Variants in BEND7 observed in about 807,000 individuals in gnomAD.
BEND7 encodes BEN domain-containing protein 7.
BEND7 carries 28 observed loss-of-function variants against 50.9 expected under a neutral mutation model. The observed-to-expected ratio is 0.55, with a 90% CI of 0.41 to 0.75. The LOEUF is 0.75. BEND7 is among the 30% of genes least tolerant of loss of function. The pLI is 0.00. For missense variants in BEND7, 477 were observed against 491.3 expected, an observed-to-expected ratio of 0.97 and a Z score of 0.28; for synonymous variants, 170 against 183.9, an observed-to-expected ratio of 0.92 and a Z score of 0.61.
Position 13,501,874 on chromosome 10 carries a change from A to G in BEND7, c.146-1794T>C, listed in dbSNP as rs535766130. On this transcript the variant is annotated intron_variant, in intron 2 of 8. Coordinates refer to ENST00000466271, the MANE Select transcript of BEND7 (RefSeq NM_001369863.1). ...AAAAAAAAAAATCTTAGGCCAGGGT[A>G]TGTGTGTGTAAACATTCATGCAGTT... Among the ~76,000 whole-genome samples the G allele has an allele frequency of 4.5e-4, 69 of 152,148 alleles. 1 individual carries two copies. Among genetic ancestry groups the G allele is most frequent in the African/African-American group, 1.6e-3 (67 of 41,532 alleles).
chr10:13,442,444 A>G (rs1182956487), intron 8 of BEND7: 1 of 152,246 alleles, frequency 6.6e-6, no homozygotes, highest in Non-Finnish European at 1.5e-5. Context: ...TTTTAAATTC[A>G]CCATCTTATT....
At chr10:13,503,368 A>AG (rs958155269) in intron 2 of BEND7, among the ~76,000 whole-genome samples, 20 of 152,350 alleles carry the variant, frequency 1.3e-4, no homozygotes, top group African/African-American at 4.8e-4. Context: ...CCCTCCTCAG[A>AG]GGAAGTAAGC....
downstream of BEND7, chr10:13,438,667 C>T (rs1835023711): frequency 6.4e-6 from 1 of 155,078 alleles, no homozygotes; most frequent in South Asian, 2.0e-4. Context: ...ATTAAATTCT[C>T]ATGGAGTACA....
At chr10:13,456,951 TA>T (rs1839109241) in intron 6 of BEND7, among the ~76,000 whole-genome samples, 1 of 152,194 alleles carries the variant, frequency 6.6e-6, no homozygotes, top group African/African-American at 2.4e-5. Context: ...ACTGATCAGA[TA>T]ATTTCCAAAA....
chr10:13,448,944 G>C (rs1837064642), intron 7 of BEND7, among the ~76,000 whole-genome samples: 1 of 145,700 alleles, frequency 6.9e-6, no homozygotes, highest in South Asian at 2.2e-4. Context: ...CTGCACTCCA[G>C]CCTGGGCGAC....
intron 2 of BEND7, among the ~76,000 whole-genome samples, chr10:13,502,555 C>T (rs563689168): frequency 6.6e-5 from 10 of 152,264 alleles, no homozygotes; most frequent in African/African-American, 1.7e-4. Flanking sequence ...CGAGAGGCTA[C>T]GGAACAGGGT....
At chr10:13,490,532 C>T (rs1485400368) in intron 5 of BEND7, among the ~76,000 whole-genome samples, 3 of 152,250 alleles carry the variant, frequency 2.0e-5, no homozygotes, top group Non-Finnish European at 4.4e-5. Flanking sequence ...CTGTCTAGCC[C>T]TCCTGATCTC....
intron 6 of BEND7, among the ~76,000 whole-genome samples, chr10:13,455,599 C>T (rs1235893310): frequency 6.6e-6 from 1 of 151,968 alleles, no homozygotes; most frequent in African/African-American, 2.4e-5. Context: ...AGTGGTGTGG[C>T]AGGAGAGAAC....
intron 6 of BEND7, among the ~76,000 whole-genome samples, chr10:13,476,070 G>A (rs1157216055): frequency 6.6e-6 from 1 of 152,056 alleles, no homozygotes; most frequent in Non-Finnish European, 1.5e-5. Flanking sequence ...TTAAATCTAC[G>A]TGAGATCAAA....
chr10:13,460,746 T>G (rs1173943160), intron 6 of BEND7, among the ~76,000 whole-genome samples: 1 of 152,258 alleles, frequency 6.6e-6, no homozygotes, highest in Admixed American at 6.5e-5. Flanking sequence ...TGTTGATTCT[T>G]ATTAAGTGCA....
intron 7 of BEND7, among the ~76,000 whole-genome samples, chr10:13,450,567 T>A (rs1837447929): frequency 6.6e-6 from 1 of 152,162 alleles, no homozygotes; most frequent in Non-Finnish European, 1.5e-5. Context: ...TGGGTCTGCT[T>A]GTCAGGGTTG....
chr10:13,469,101 G>A (rs1471665526), intron 6 of BEND7, among the ~76,000 whole-genome samples: 1 of 152,190 alleles, frequency 6.6e-6, no homozygotes, highest in Non-Finnish European at 1.5e-5. Flanking sequence ...GTGATCAAGA[G>A]GTGTTGAGAG....
At chr10:13,500,108 C>CTAA (rs2077332182) in intron 2 of BEND7, 28 bp from the exon 3 acceptor site, 1 of 1,504,730 alleles carries the variant, frequency 6.6e-7, no homozygotes, top group Non-Finnish European at 9.0e-7. Flanking sequence ...AAAGTTAGCA[C>CTAA]TCTAAATTAG....
chr10:13,528,451 C>G lies in BEND7; in HGVS notation c.61+22G>C, dbSNP rs538757602. ...GGGCGCGGCGCCCGCTGCCTGCCCC[C>G]GCCGCCCCGGCGGCCGCTTACCTCG... On this transcript the variant is annotated intron_variant, in intron 1 of 8. Coordinates refer to ENST00000466271, the MANE Select transcript of BEND7 (RefSeq NM_001369863.1). 481 of 1,007,632 alleles carry G rather than the reference C, an allele frequency of 4.8e-4. 1 individual carries two copies. In the African/African-American group the frequency reaches 8.0e-3, roughly 17 times the overall value. 62.4% of individuals were successfully genotyped at this position (1,007,632 alleles called of 1,614,324 possible).
intron 7 of BEND7, among the ~76,000 whole-genome samples, chr10:13,452,083 A>G (rs952331353): frequency 6.6e-6 from 1 of 152,180 alleles, no homozygotes; most frequent in Non-Finnish European, 1.5e-5. Flanking sequence ...ACGTGTGAGC[A>G]CACACACCCA....
intron 5 of BEND7, among the ~76,000 whole-genome samples, chr10:13,482,736 A>G (rs1475167784): frequency 6.6e-6 from 1 of 152,194 alleles, no homozygotes; most frequent in African/African-American, 2.4e-5. Context: ...ATACACAGCT[A>G]TACTGTCAGG....
chr10:13,521,848 A>C (rs1468523325), intron 2 of BEND7, among the ~76,000 whole-genome samples: 1 of 152,244 alleles, frequency 6.6e-6, no homozygotes, highest in Non-Finnish European at 1.5e-5. Context: ...TCCAGGGAGG[A>C]GAACGATGTC....
In BEND7 at chr10:13,490,353, C is replaced by T. The variant is rs558372950; in HGVS notation, c.837+2258G>A. ...ATGAAATTCACTTTTCCTTCCCATCCAGAGCTGAAAAGCCTGCACTGCTCT... is the reference window on the plus strand; with the variant it reads ...ATGAAATTCACTTTTCCTTCCCATCTAGAGCTGAAAAGCCTGCACTGCTCT... On this transcript the variant is annotated intron_variant, in intron 5 of 8. Coordinates refer to ENST00000466271, the MANE Select transcript of BEND7 (RefSeq NM_001369863.1). Among the ~76,000 whole-genome samples, 21 of 152,304 alleles carry T rather than the reference C, an allele frequency of 1.4e-4. No individual in the cohort carries two copies. In the East Asian group the frequency reaches 3.5e-3, roughly 25 times the overall value.
chr10:13,518,073 A>C (rs1330349513), intron 2 of BEND7, among the ~76,000 whole-genome samples: 11 of 152,262 alleles, frequency 7.2e-5, no homozygotes, highest in African/African-American at 2.4e-4. Flanking sequence ...AGGGAGGCTG[A>C]ATTGTCAACA....
Sources: gnomAD v4.1 joint callset for allele counts (sites outside exome capture counted in the v4.1 genomes callset) on GRCh38, gnomAD v4.1.1 for gene constraint, MANE v1.5 for transcripts, NCBI Gene and HGNC (gene_info 2026-07-23, HGNC 2026-07-21) for gene names.